GTPBP1: variants seen among roughly 807,000 people sequenced by gnomAD.
GTPBP1 encodes the protein GTP binding protein 1.
In GTPBP1, 23 loss-of-function variants were observed where a neutral mutation model predicts 62.0. The ratio of observed to expected loss-of-function variants is 0.37; its 90% CI spans 0.27 to 0.53. The LOEUF is 0.53. GTPBP1 is among the 20% of genes least tolerant of loss of function. The probability of loss-of-function intolerance (pLI) is 0.89; values close to 1 mark genes in which losing one functional copy is unlikely to be tolerated. For synonymous variants in GTPBP1, 344 were observed against 364.4 expected, an observed-to-expected ratio of 0.94 and a Z score of 0.64; for missense variants, 640 against 917.3, an observed-to-expected ratio of 0.70 and a Z score of 3.90.
downstream of GTPBP1, among the ~76,000 whole-genome samples, chr22:38,741,301 G>A (rs1383061502): frequency 6.6e-6 from 1 of 152,158 alleles, no homozygotes; most frequent in African/African-American, 2.4e-5. Flanking sequence ...CTGTGCCCTG[G>A]CACACCCCAG....
rs748217373 is a variant in GTPBP1, at chr22:38,727,497, A to T, written c.1537+149A>T. The T allele has an allele frequency of 1.4e-6, 1 of 734,160 alleles. No homozygotes were observed. Among genetic ancestry groups the T allele is most frequent in the Non-Finnish European group, 2.1e-6 (1 of 472,058 alleles). The allele number at this position is 734,160 out of a possible 1,614,324, so 45.5% of individuals were successfully genotyped here. A position where few individuals can be genotyped will look rare whatever the true frequency, so the allele number is the denominator to read the frequency against. On this transcript the variant is annotated intron_variant, in intron 9 of 11. Transcript: ENST00000216044. The surrounding 1 kb of genome is among the most constrained non-coding windows in gnomAD (Gnocchi z 6.5). Reference sequence around the variant, plus strand: ...TGATGCCGTTCCTTCTGTTCTACCCATGAGCCGCAGTGTTGATTCCTTCCC... The same window carrying T: ...TGATGCCGTTCCTTCTGTTCTACCCTTGAGCCGCAGTGTTGATTCCTTCCC...
At chr22:38,713,365 A>G (rs1361725194) in intron 2 of GTPBP1, among the ~76,000 whole-genome samples, 1 of 152,144 alleles carries the variant, frequency 6.6e-6, no homozygotes, top group African/African-American at 2.4e-5. Flanking sequence ...GTTGTGCTTT[A>G]TTTAGGACCT....
At position 38,732,312 on chromosome 22, in the gene GTPBP1, C is replaced by G. The variant is rs899406441; in HGVS notation, c.*1608C>G. 6.6e-6 allele frequency: 1 copy of G among 152,634 alleles called. No individual in the cohort carries two copies. The highest frequency in any genetic ancestry group is 2.1e-4 in the South Asian group (1 of 4,822). 9.5% of individuals were successfully genotyped at this position (152,634 alleles called of 1,614,324 possible). A position where few individuals can be genotyped will look rare whatever the true frequency, so the allele number is the denominator to read the frequency against. On this transcript the variant is annotated 3_prime_UTR_variant, in exon 12 of 12. Coordinates refer to ENST00000216044, the MANE Select transcript of GTPBP1 (RefSeq NM_004286.5). ...CGGGAACGCAGTTGCTCTGCCTGCC[C>G]TGGGGCCCCTGGCGACAGCTGGGAG... is the stretch of plus-strand genomic sequence containing the variant.
intron 11 of GTPBP1, 34 bp downstream of exon 11, chr22:38,729,696 G>A (rs779451141): frequency 1.4e-6 from 2 of 1,412,236 alleles, no homozygotes; most frequent in Admixed American, 6.0e-5. Context: ...TCGGCATGGT[G>A]GTGGGGGCTG....
Position 38,716,155 on chromosome 22 carries a change from C to A in GTPBP1, c.485+68C>A. 1 of 1,280,470 alleles carries A rather than the reference C, an allele frequency of 7.8e-7. No individual in the cohort carries two copies. The highest frequency in any genetic ancestry group is 1.1e-6 in the Non-Finnish European group (1 of 903,482). 79.3% of individuals were successfully genotyped at this position (1,280,470 alleles called of 1,614,324 possible). On this transcript the variant is annotated intron_variant, in intron 3 of 11. Transcript: ENST00000216044. This position sits in a 1 kb window ranked among gnomAD's most constrained non-coding sequence, Gnocchi z 5.2. Reference sequence around the variant, plus strand: ...GAGGTTGGTGACTGAGCCTGTGGCACTTGGCGTGTCAGCTCCATCCTTTCC... The same window carrying A: ...GAGGTTGGTGACTGAGCCTGTGGCAATTGGCGTGTCAGCTCCATCCTTTCC...
downstream of GTPBP1, chr22:38,734,247 C>T (rs1313879637): frequency 6.5e-6 from 3 of 460,078 alleles, no homozygotes; most frequent in Non-Finnish European, 1.3e-5. Context: ...GGGGAGCTAT[C>T]TGTGGGAAAG....
chr22:38,732,837 A>G lies in GTPBP1; in HGVS notation c.*2133A>G, dbSNP rs41280837. 0.046 allele frequency: 7,020 copies of G among 152,462 alleles called. 192 individuals carry two copies. Among genetic ancestry groups the G allele is most frequent in the South Asian group, 0.089 (431 of 4,840 alleles). The allele number at this position is 152,462 out of a possible 1,614,324, so 9.4% of individuals were successfully genotyped here. On this transcript the variant is annotated 3_prime_UTR_variant, in exon 12 of 12. Coordinates refer to ENST00000216044, the MANE Select transcript of GTPBP1 (RefSeq NM_004286.5). Reference sequence around the variant, plus strand: ...CAGCCTTCTGAGTAGCTGGGACTACAGGTGCACGCCACCACGCCCAGCTAA... The same window carrying G: ...CAGCCTTCTGAGTAGCTGGGACTACGGGTGCACGCCACCACGCCCAGCTAA...
At chr22:38,734,463 C>T, downstream of GTPBP1, 1 of 342,678 alleles carries the variant, frequency 2.9e-6, no homozygotes, top group Non-Finnish European at 6.0e-6. Context: ...ACTGCTCCCG[C>T]CCCACCCTTT....
chr22:38,727,689 A>T lies in GTPBP1; in HGVS notation c.1538-294A>T, dbSNP rs902467350. Among the ~76,000 whole-genome samples the T allele has an allele frequency of 6.6e-6, 1 of 152,220 alleles. No individual in the cohort carries two copies. The highest frequency in any genetic ancestry group is 6.5e-5 in the Admixed American group (1 of 15,290). On this transcript the variant is annotated intron_variant, in intron 9 of 11. Coordinates refer to ENST00000216044, the MANE Select transcript of GTPBP1 (RefSeq NM_004286.5). The surrounding 1 kb of genome is among the most constrained non-coding windows in gnomAD (Gnocchi z 6.5). The stretch of plus-strand genomic sequence containing the variant: ...CAAGGATCCTTCCCCGCAGAAGCCC[A>T]CAGTCCAGCGAGGAGGTGCATGTGC...
Position 38,716,876 on chromosome 22 carries a change from G to C in GTPBP1, c.710G>C (p.Trp237Ser). Reference protein sequence around the residue: ...KPDSHGGSLEWTKICEKSTKV... With the variant: ...KPDSHGGSLESTKICEKSTKV... ...GACAGCCACGGCGGCAGCCTGGAGTGGACCAAGATCTGTGAGAAGTCCACG... is the reference window on the plus strand; with the variant it reads ...GACAGCCACGGCGGCAGCCTGGAGTCGACCAAGATCTGTGAGAAGTCCACG... Residue 237 changes from tryptophan (W) to serine (S), a missense_variant, in exon 4 of 12, where the codon TGG becomes TCG. Physicochemically the swap from Trp to Ser is radical, Grantham distance 177. Around this residue, in one of 4 missense-constraint regions of GTPBP1, gnomAD observed 88 missense variants for 217.0 expected, o/e 0.41. Transcript: ENST00000216044. This position sits in a 1 kb window ranked among gnomAD's most constrained non-coding sequence, Gnocchi z 5.2. The C allele has an allele frequency of 6.2e-7, 1 of 1,614,054 alleles. No homozygotes were observed. The highest frequency in any genetic ancestry group is 8.5e-7 in the Non-Finnish European group (1 of 1,179,868).
downstream of GTPBP1, chr22:38,740,322 G>A (rs990153882): frequency 1.7e-5 from 28 of 1,602,322 alleles, no homozygotes; most frequent in African/African-American, 5.4e-5. This position sits in a 1 kb window ranked among gnomAD's most constrained non-coding sequence, Gnocchi z 4.8. Context: ...TTCCGCCACC[G>A]AGCTCTGCTT....
chr22:38,741,508 C>T (rs139004902), downstream of GTPBP1: 13,685 of 1,613,910 alleles, frequency 8.5e-3, 63 homozygotes, highest in Non-Finnish European at 9.6e-3. Flanking sequence ...GAGGCCCGGA[C>T]GATCTTCTTG....
At chr22:38,739,412 G>T (rs777909776), downstream of GTPBP1, 2 of 1,613,090 alleles carry the variant, frequency 1.2e-6, no homozygotes, top group Non-Finnish European at 1.7e-6. The surrounding 1 kb of genome is among the most constrained non-coding windows in gnomAD (Gnocchi z 6.7). Context: ...CCTGCTTCAC[G>T]ATGTGGTGCA....
rs1171504614 is a variant in GTPBP1, at chr22:38,726,012, C to T, written c.1080C>T (p.Cys360=). Residue 360 remains cysteine, a synonymous_variant, in exon 7 of 12, where the codon TGC becomes TGT. Transcript: ENST00000216044. This position sits in a 1 kb window ranked among gnomAD's most constrained non-coding sequence, Gnocchi z 4.1. ...CTCTTCTCCCTCTGCTTAGGATGTG[C>T]CCGATATTCCAGATCTCCAACGTTA... ...TASNFSSERM[C]PIFQISNVTG... 1.2e-6 allele frequency: 2 copies of T among 1,613,890 alleles called. No homozygotes were observed. The highest frequency in any genetic ancestry group is 1.3e-5 in the African/African-American group (1 of 74,876).
At chr22:38,714,527 G>T (rs1361298666) in intron 2 of GTPBP1, among the ~76,000 whole-genome samples, 1 of 151,252 alleles carries the variant, frequency 6.6e-6, no homozygotes, top group Non-Finnish European at 1.5e-5. Context: ...GACAACTGCG[G>T]TTTCTTCTGT....
chr22:38,720,750 A>G (rs1158757359), intron 4 of GTPBP1, among the ~76,000 whole-genome samples: 2 of 152,198 alleles, frequency 1.3e-5, no homozygotes, highest in Non-Finnish European at 2.9e-5. Context: ...AACAGGTGCA[A>G]TTGCTTAAAC....
At position 38,716,400 on chromosome 22, in the gene GTPBP1, C is replaced by T. The variant is rs1005212007; in HGVS notation, c.486-252C>T. Among the ~76,000 whole-genome samples the T allele has an allele frequency of 6.6e-6, 1 of 152,176 alleles. No individual in the cohort carries two copies. The highest frequency in any genetic ancestry group is 2.4e-5 in the African/African-American group (1 of 41,444). ...TGCCTCTGGTAGCCTTGCGGCTCTT[C>T]CTGGCAGCACCCAGAAGCTAGTGGG... On this transcript the variant is annotated intron_variant, in intron 3 of 11. Transcript: ENST00000216044. The surrounding 1 kb of genome is among the most constrained non-coding windows in gnomAD (Gnocchi z 5.2).
In GTPBP1 at chr22:38,728,041, G is replaced by A. The variant is rs1053674910; in HGVS notation, c.1596G>A (p.Leu532=). The change falls in exon 10 of 12, where the codon CTG becomes CTA. Residue 532 remains leucine, a synonymous_variant. Coordinates refer to ENST00000216044, the MANE Select transcript of GTPBP1 (RefSeq NM_004286.5). ...ATILSMDKDC[L]RTGDKATVHF... ...TTCTGAGCATGGACAAGGACTGTCT[G>A]CGCACTGGGGACAAGGCCACTGTAC... 1.2e-6 allele frequency: 2 copies of A among 1,613,190 alleles called. No individual in the cohort carries two copies. The highest frequency in any genetic ancestry group is 2.7e-5 in the African/African-American group (2 of 74,882).
intron 11 of GTPBP1, 28 bp downstream of exon 11, chr22:38,729,690 CATG>C (rs1390996523): frequency 6.3e-6 from 9 of 1,432,892 alleles, no homozygotes; most frequent in Admixed American, 2.9e-5. Flanking sequence ...GCAGCTTCGG[CATG>C]GTGGTGGGGG....
Sources: allele counts gnomAD v4.1 joint callset (sites outside exome capture counted in the v4.1 genomes callset), GRCh38; gene constraint gnomAD v4.1.1; regional missense constraint gnomAD v4.1.1; non-coding constraint Gnocchi (gnomAD v3.1); transcripts MANE v1.5; gene names NCBI Gene and HGNC (gene_info 2026-07-23, HGNC 2026-07-21).